CDC42BPB: variants seen among roughly 807,000 people sequenced by gnomAD.
CDC42BPB encodes the protein CDC42 binding protein kinase beta.
Under a neutral mutation model 214.9 loss-of-function variants are expected in CDC42BPB, and 37 were observed. That is an observed-to-expected ratio of 0.17 (90% CI 0.13 to 0.23). The LOEUF is 0.23. CDC42BPB is among the 10% of genes least tolerant of loss of function. CDC42BPB has a pLI of 1.00. For synonymous variants in CDC42BPB, 931 were observed against 884.0 expected (o/e 1.05, Z -0.94); for missense variants, 1,694 against 2,227.0 (o/e 0.76, Z 4.82).
chr14:102,990,539 G>A (rs1894445830), intron 5 of CDC42BPB, among the ~76,000 whole-genome samples: 1 of 152,180 alleles, frequency 6.6e-6, no homozygotes, highest in African/African-American at 2.4e-5. Flanking sequence ...CATGATTCCT[G>A]AGTATGCACA....
At chr14:102,940,182 C>T (rs1891827556) in intron 31 of CDC42BPB, 45 bp downstream of exon 31, 2 of 1,612,984 alleles carry the variant, frequency 1.2e-6, no homozygotes, top group Non-Finnish European at 1.7e-6. Flanking sequence ...ACAGACTGCA[C>T]CGGGAGAAGC....
intron 1 of CDC42BPB, 148 bp downstream of exon 1, chr14:103,056,851 C>T (rs995820252): frequency 7.8e-6 from 4 of 513,296 alleles, no homozygotes; most frequent in Non-Finnish European, 1.3e-5. Flanking sequence ...GGGGGCGCTG[C>T]CAGAGCGAGA....
intron 1 of CDC42BPB, among the ~76,000 whole-genome samples, chr14:103,019,167 C>T (rs1046444349): frequency 2.0e-5 from 3 of 152,126 alleles, no homozygotes; most frequent in Non-Finnish European, 4.4e-5. Flanking sequence ...CTCCTGGGCT[C>T]AAGTGATCCT....
At chr14:103,054,714 G>A (rs544777281) in intron 1 of CDC42BPB, among the ~76,000 whole-genome samples, 1 of 152,164 alleles carries the variant, frequency 6.6e-6, no homozygotes, top group African/African-American at 2.4e-5. Flanking sequence ...CCCTATAATT[G>A]AAAGTTTATA....
At chr14:102,963,876 AG>A (rs1238242499) in intron 19 of CDC42BPB, among the ~76,000 whole-genome samples, 1 of 152,256 alleles carries the variant, frequency 6.6e-6, no homozygotes, top group African/African-American at 2.4e-5. Context: ...TAATTCTGTT[AG>A]AGACACTGTC....
At chr14:102,980,683 G>A (rs1893957471) in intron 8 of CDC42BPB, 90 bp downstream of exon 8, 1 of 1,249,118 alleles carries the variant, frequency 8.0e-7, no homozygotes. Flanking sequence ...CAGCTTTATG[G>A]TGTACTGACT....
At chr14:103,006,890 A>G (rs2139621501) in intron 3 of CDC42BPB, among the ~76,000 whole-genome samples, 1 of 152,344 alleles carries the variant, frequency 6.6e-6, no homozygotes, top group East Asian at 1.9e-4. Flanking sequence ...CATGACATTT[A>G]GGTAAATACC....
chr14:102,994,460 G>C (rs1298570202), intron 5 of CDC42BPB, among the ~76,000 whole-genome samples: 1 of 152,140 alleles, frequency 6.6e-6, no homozygotes, highest in Non-Finnish European at 1.5e-5. Flanking sequence ...GCTGACCTAT[G>C]GCTCCCAACC....
At chr14:103,015,983 T>C (rs913836127) in intron 1 of CDC42BPB, among the ~76,000 whole-genome samples, 5 of 151,886 alleles carry the variant, frequency 3.3e-5, no homozygotes, top group African/African-American at 7.3e-5. Flanking sequence ...CCCAAAGTGC[T>C]GGGATTACAG....
At chr14:102,991,023 G>A (rs2139560573) in intron 5 of CDC42BPB, among the ~76,000 whole-genome samples, 1 of 152,304 alleles carries the variant, frequency 6.6e-6, no homozygotes, top group East Asian at 1.9e-4. Flanking sequence ...GCAAAGACTG[G>A]TCTAGGCAAA....
At chr14:102,978,627 G>A (rs1193965936) in intron 8 of CDC42BPB, among the ~76,000 whole-genome samples, 2 of 152,058 alleles carry the variant, frequency 1.3e-5, no homozygotes, top group African/African-American at 4.8e-5. Flanking sequence ...GAGGCCCCAA[G>A]GCAAAAAGGA....
At chr14:102,953,006 G>C (rs766484802) in intron 23 of CDC42BPB, among the ~76,000 whole-genome samples, 1 of 152,238 alleles carries the variant, frequency 6.6e-6, no homozygotes, top group South Asian at 2.1e-4. Flanking sequence ...ATGTGTCCAA[G>C]AGACACCCAA....
Position 102,970,399 on chromosome 14 carries a change from C to T in CDC42BPB, c.1885-138G>A, listed in dbSNP as rs1033499237. Reference sequence around the variant, plus strand: ...GTTCACCCTTCATCAAATCTTATCACAAATTAAAGTTTGAGAAATACACTT... The same window carrying T: ...GTTCACCCTTCATCAAATCTTATCATAAATTAAAGTTTGAGAAATACACTT... On this transcript the variant is annotated intron_variant, in intron 13 of 36. Transcript: ENST00000361246. The T allele has an allele frequency of 3.6e-6, 5 of 1,382,674 alleles. No individual in the cohort carries two copies. The African/African-American group carries it at 7.2e-5, about 20-fold the overall frequency. 85.7% of individuals were successfully genotyped at this position (1,382,674 alleles called of 1,614,324 possible). A position where few individuals can be genotyped will look rare whatever the true frequency, so the allele number is the denominator to read the frequency against.
At chr14:102,941,127 CCT>C (rs1345544365) in intron 30 of CDC42BPB, 2 of 985,308 alleles carry the variant, frequency 2.0e-6, no homozygotes, top group Non-Finnish European at 2.4e-6. Flanking sequence ...CCGCTCAGTC[CCT>C]CTGTGTGGGT....
intron 20 of CDC42BPB, among the ~76,000 whole-genome samples, chr14:102,961,456 T>G (rs1168645426): frequency 2.6e-5 from 4 of 151,608 alleles, no homozygotes. Context: ...TGCCTCAGCC[T>G]CCTGAGTAGC....
intron 1 of CDC42BPB, chr14:103,041,854 C>T (rs1469686445): frequency 7.6e-6 from 3 of 395,116 alleles, no homozygotes; most frequent in Non-Finnish European, 1.5e-5. Context: ...CCCCAGGAAG[C>T]CCTCGGCCAC....
chr14:103,053,568 T>C (rs35837564), intron 1 of CDC42BPB, among the ~76,000 whole-genome samples: 2,165 of 151,606 alleles, frequency 0.014, 38 homozygotes, highest in African/African-American at 0.044. Flanking sequence ...GAGACCATCC[T>C]GGCTAACACG....
rs563402785 is a variant in CDC42BPB at position 103,049,532 on chromosome 14, G to C, written c.175+7467C>G. ...AAGTAGAAACAGAGCAGTTAAAAGT[G>C]GTAGTCTGTGGGAAGTTGGAGCGCG... On this transcript the variant is annotated intron_variant, in intron 1 of 36. Coordinates refer to ENST00000361246, the MANE Select transcript of CDC42BPB (RefSeq NM_006035.4). Among the ~76,000 whole-genome samples the C allele has an allele frequency of 4.6e-5, 7 of 152,362 alleles. No individual in the cohort carries two copies. The East Asian group carries it at 1.3e-3, about 29-fold the overall frequency.
chr14:103,021,619 G>GCAGTGACCC (rs1886777856), intron 1 of CDC42BPB, among the ~76,000 whole-genome samples: 1 of 151,624 alleles, frequency 6.6e-6, no homozygotes, highest in Non-Finnish European at 1.5e-5. Flanking sequence ...GGCAGAGGTT[G>GCAGTGACCC]CAGTGACCCG....
Sources: gnomAD v4.1 joint callset for allele counts (sites outside exome capture counted in the v4.1 genomes callset) on GRCh38, gnomAD v4.1.1 for gene constraint, MANE v1.5 for transcripts, NCBI Gene and HGNC (gene_info 2026-07-23, HGNC 2026-07-21) for gene names.